The following MKLN1 variants were observed in gnomAD, a reference collection of about 807,000 sequenced individuals.
MKLN1 encodes the protein muskelin 1.
MKLN1 carries 18 observed loss-of-function variants against 99.0 expected under a neutral mutation model. The ratio of observed to expected loss-of-function variants is 0.18; its 90% CI spans 0.13 to 0.27. The LOEUF is 0.27. Among genes scored for constraint, MKLN1 ranks in the 10% least tolerant of loss-of-function variants. MKLN1 has a pLI of 1.00. For synonymous variants in MKLN1, 288 were observed against 293.2 expected (o/e 0.98, Z 0.18); for missense variants, 621 against 875.9 (o/e 0.71, Z 3.67).
At chr7:131,185,101 C>T (rs1796429644) in intron 2 of MKLN1, among the ~76,000 whole-genome samples, 1 of 152,072 alleles carries the variant, frequency 6.6e-6, no homozygotes, top group Admixed American at 6.6e-5. Context: ...GTTCAGAATG[C>T]ACCGTAATGC....
chr7:131,172,572 C>T (rs1796232410), intron 2 of MKLN1, among the ~76,000 whole-genome samples: 1 of 152,162 alleles, frequency 6.6e-6, no homozygotes, highest in African/African-American at 2.4e-5. Context: ...GCCTCGGCCT[C>T]CCAAAGTGCT....
In MKLN1 at chr7:131,283,346, C is replaced by CTCCTTCCTTCCTTCCTTCCT. The variant is rs1175927858; in HGVS notation, c.-179+80409_-179+80428dup. On this transcript the variant is annotated intron_variant, in intron 3 of 7. Coordinates refer to the MKLN1 transcript ENST00000416992. Reference sequence around the variant, plus strand: ...CCCTCCCTCCTTCCCTTCCCTTCCCCTCCTTCCTTCCTTCCTTCCTTCCTT... The same window carrying CTCCTTCCTTCCTTCCTTCCT: ...CCCTCCCTCCTTCCCTTCCCTTCCCCTCCTTCCTTCCTTCCTTCCTTCCTTCCTTCCTTCCTTCCTTCCTT... 5.9e-3 allele frequency among the ~76,000 whole-genome samples: 304 copies of CTCCTTCCTTCCTTCCTTCCT among 51,372 alleles called. 3 individuals carry two copies. Among genetic ancestry groups the CTCCTTCCTTCCTTCCTTCCT allele is most frequent in the Non-Finnish European group, 7.7e-3 (216 of 28,146 alleles). 33.7% of individuals were successfully genotyped at this position (51,372 alleles called of 152,430 possible).
intron 3 of MKLN1, among the ~76,000 whole-genome samples, chr7:131,306,287 G>C (rs1798465369): frequency 6.6e-6 from 1 of 152,158 alleles, no homozygotes; most frequent in Non-Finnish European, 1.5e-5. Context: ...ACCAGGAGTG[G>C]GGCACTGCTA....
At chr7:131,284,548 T>G (rs895128164) in intron 3 of MKLN1, among the ~76,000 whole-genome samples, 5 of 152,220 alleles carry the variant, frequency 3.3e-5, no homozygotes, top group African/African-American at 1.2e-4. Context: ...GAAGTACCAC[T>G]GTCCAACATA....
In MKLN1 at chr7:131,174,918, C is replaced by T. The variant is rs75807845; in HGVS notation, c.-296-27939C>T. On this transcript the variant is annotated intron_variant, in intron 2 of 7. Coordinates refer to the MKLN1 transcript ENST00000416992. ...TCAGACAGGGCAAGTCTGTTCTCTC[C>T]TCCCCACTTGTCTCCCTCCCTGATA... Among the ~76,000 whole-genome samples the T allele has an allele frequency of 5.5e-3, 841 of 152,072 alleles. 13 individuals carry two copies. Among genetic ancestry groups the T allele is most frequent in the African/African-American group, 0.019 (790 of 41,480 alleles).
At chr7:131,156,438 A>G (rs1268165948) in intron 2 of MKLN1, among the ~76,000 whole-genome samples, 5 of 113,410 alleles carry the variant, frequency 4.4e-5, no homozygotes, top group African/African-American at 1.8e-4. Context: ...ACAGAGCAAG[A>G]CTCTGTCTCA....
chr7:131,360,927 T>C (rs2116800240), intron 1 of MKLN1, among the ~76,000 whole-genome samples: 1 of 152,218 alleles, frequency 6.6e-6, no homozygotes, highest in South Asian at 2.1e-4. Context: ...TCTAGGTTAG[T>C]GTTTTTGTTT....
chr7:131,250,917 G>A (rs780776493), intron 3 of MKLN1, among the ~76,000 whole-genome samples: 1 of 151,692 alleles, frequency 6.6e-6, no homozygotes, highest in Non-Finnish European at 1.5e-5. Flanking sequence ...GGAGAAACAG[G>A]TATAGATATG....
chr7:131,183,323 G>C (rs1405479796), intron 2 of MKLN1, among the ~76,000 whole-genome samples: 1 of 152,158 alleles, frequency 6.6e-6, no homozygotes, highest in Non-Finnish European at 1.5e-5. Context: ...TGAGACTTAA[G>C]TGCTTTCTGA....
intron 2 of MKLN1, among the ~76,000 whole-genome samples, chr7:131,163,176 G>C (rs185499128): frequency 7.7e-4 from 118 of 152,326 alleles, no homozygotes; most frequent in African/African-American, 2.8e-3. Flanking sequence ...TGTAACCCAA[G>C]TGATAGAAAA....
In MKLN1 at chr7:131,491,408, A is replaced by T. The variant is rs1030846405; in HGVS notation, c.*3680A>T. The T allele has an allele frequency of 2.6e-5, 4 of 152,162 alleles. No individual in the cohort carries two copies. The highest frequency in any genetic ancestry group is 9.7e-5 in the African/African-American group (4 of 41,438). The allele number at this position is 152,162 out of a possible 1,614,324, so 9.4% of individuals were successfully genotyped here. ...TGGAGGAGTATCATACAGTGTCTAC[A>T]TATGATAGTACTTACAGATTAGGTC... On this transcript the variant is annotated 3_prime_UTR_variant, in exon 18 of 18. Transcript: ENST00000352689.
At chr7:131,288,814 C>T (rs1449179691) in intron 3 of MKLN1, among the ~76,000 whole-genome samples, 4 of 152,080 alleles carry the variant, frequency 2.6e-5, no homozygotes, top group Admixed American at 2.6e-4. Context: ...CTTTTTGCTG[C>T]CACATGACCT....
At chr7:131,370,561 C>T in intron 1 of MKLN1, among the ~76,000 whole-genome samples, 1 of 151,336 alleles carries the variant, frequency 6.6e-6, no homozygotes, top group East Asian at 1.9e-4. Context: ...TAAAATTTCG[C>T]ATACCTCAAA....
intron 3 of MKLN1, among the ~76,000 whole-genome samples, chr7:131,242,106 C>G (rs928093446): frequency 3.9e-5 from 6 of 152,204 alleles, no homozygotes; most frequent in African/African-American, 1.4e-4. Flanking sequence ...AGATTAAATA[C>G]AGCAAATCTG....
At chr7:131,445,728 G>A (rs756533578) in intron 11 of MKLN1, 46 bp from the exon 12 acceptor site, 1 of 1,513,552 alleles carries the variant, frequency 6.6e-7, no homozygotes, top group Non-Finnish European at 9.0e-7. Flanking sequence ...AGTTCTTCAT[G>A]GAAGTGATAA....
At chr7:131,411,919 A>G (rs1180428502) in intron 7 of MKLN1, among the ~76,000 whole-genome samples, 1 of 122,392 alleles carries the variant, frequency 8.2e-6, no homozygotes, top group East Asian at 2.1e-4. Flanking sequence ...AAAAAAAAAA[A>G]AAAAAAAAAA....
upstream of MKLN1, among the ~76,000 whole-genome samples, chr7:131,324,616 A>G (rs527980352): frequency 6.6e-6 from 1 of 152,350 alleles, no homozygotes; most frequent in African/African-American, 2.4e-5. Context: ...TTTACATTAA[A>G]ATAAATCAAG....
intron 3 of MKLN1, among the ~76,000 whole-genome samples, chr7:131,251,493 G>A (rs1443292492): frequency 6.6e-6 from 1 of 152,026 alleles, no homozygotes; most frequent in Non-Finnish European, 1.5e-5. Context: ...AATGACTGTT[G>A]GGACTTGCTG....
intron 3 of MKLN1, among the ~76,000 whole-genome samples, chr7:131,211,598 T>TTG: frequency 7.5e-6 from 1 of 132,598 alleles, no homozygotes. Flanking sequence ...CAACCAACCC[T>TTG]TGTGTTTTTT....
Sources: allele counts gnomAD v4.1 joint callset (sites outside exome capture counted in the v4.1 genomes callset), GRCh38; gene constraint gnomAD v4.1.1; transcripts MANE v1.5; gene names NCBI Gene and HGNC (gene_info 2026-07-23, HGNC 2026-07-21).